The following MPP7 variants were observed in gnomAD, a reference collection of about 807,000 sequenced individuals.
MPP7 encodes the protein MAGUK p55 scaffold protein 7.
Under a neutral mutation model 76.5 loss-of-function variants are expected in MPP7, and 60 were observed. That is an observed-to-expected ratio of 0.78 (90% confidence interval 0.64 to 0.97). The LOEUF is 0.97. Among genes scored for constraint, MPP7 ranks in the 50% least tolerant of loss-of-function variants. The pLI is 0.00. For synonymous variants in MPP7, 237 were observed against 244.5 expected (o/e 0.97, Z 0.29); for missense variants, 641 against 694.0 (o/e 0.92, Z 0.86).
intron 3 of MPP7, among the ~76,000 whole-genome samples, chr10:28,193,944 T>C (rs1837496996): frequency 6.6e-6 from 1 of 151,920 alleles, no homozygotes; most frequent in African/African-American, 2.4e-5. Flanking sequence ...GGACTCTCAC[T>C]CATTGCTGGT....
At chr10:28,323,487 C>T (rs1038023483) in intron 2 of MPP7, among the ~76,000 whole-genome samples, 1 of 151,406 alleles carries the variant, frequency 6.6e-6, no homozygotes, top group Non-Finnish European at 1.5e-5. Flanking sequence ...AAATCCCAGC[C>T]AAAACCGGGC....
intron 1 of MPP7, chr10:28,254,657 A>G (rs1025742870): frequency 2.0e-5 from 3 of 152,230 alleles, no homozygotes; most frequent in African/African-American, 7.2e-5. Context: ...CACAATATAG[A>G]TTTATCTCAA....
chr10:28,248,231 G>A lies in MPP7; in HGVS notation c.-131-9496C>T, dbSNP rs12770343. On this transcript the variant is annotated intron_variant, in intron 1 of 16. Coordinates refer to ENST00000683449, the MANE Select transcript of MPP7 (RefSeq NM_001318170.2). ...CTGGAATGAATCTATCTGATTAGGA[G>A]AACTTACTTTATGACCAATTTAGTG... Among the ~76,000 whole-genome samples, 276 of 152,192 alleles carry A rather than the reference G, an allele frequency of 1.8e-3. 1 individual carries two copies. Among genetic ancestry groups the A allele is most frequent in the Admixed American group, 3.7e-3 (56 of 15,278 alleles).
chr10:28,275,714 A>AG (rs1220854070), intron 1 of MPP7, among the ~76,000 whole-genome samples: 1 of 150,726 alleles, frequency 6.6e-6, no homozygotes, highest in Non-Finnish European at 1.5e-5. Context: ...ACCCCTTCCT[A>AG]ATATTTCTTG....
Position 28,143,157 on chromosome 10 carries a change from G to GA in MPP7, c.315+4325dup, listed in dbSNP as rs1441650476. 2.6e-5 allele frequency among the ~76,000 whole-genome samples: 4 copies of GA among 152,168 alleles called. No individual in the cohort carries two copies. The East Asian group carries it at 5.8e-4, about 22-fold the overall frequency. On this transcript the variant is annotated intron_variant, in intron 5 of 16. Coordinates refer to ENST00000683449, the MANE Select transcript of MPP7 (RefSeq NM_001318170.2). The stretch of plus-strand genomic sequence containing the variant: ...TCTATGATCCCACAGAATATACTGG[G>GA]AAAAAACATTTAATATTTATATATA...
intron 11 of MPP7, among the ~76,000 whole-genome samples, chr10:28,097,254 T>C (rs1853613878): frequency 6.6e-6 from 1 of 152,160 alleles, no homozygotes; most frequent in Non-Finnish European, 1.5e-5. Flanking sequence ...AGTACTAGGT[T>C]TACAGGCATG....
intron 3 of MPP7, among the ~76,000 whole-genome samples, chr10:28,201,265 G>C (rs778291145): frequency 7.2e-5 from 11 of 152,098 alleles, no homozygotes; most frequent in Non-Finnish European, 1.6e-4. Context: ...GTTCTGAAAA[G>C]CAATTGCAAC....
chr10:28,141,644 G>A (rs11006893), intron 5 of MPP7, among the ~76,000 whole-genome samples: 15,513 of 151,956 alleles, frequency 0.1, 1,318 homozygotes, highest in East Asian at 0.42. Flanking sequence ...GCACACACGC[G>A]TACACATCAG....
intron 3 of MPP7, among the ~76,000 whole-genome samples, chr10:28,180,681 C>A (rs1349869186): frequency 2.0e-5 from 3 of 152,164 alleles, no homozygotes; most frequent in African/African-American, 4.8e-5. Flanking sequence ...TATATTCCCC[C>A]AGACACTCTC....
intron 2 of MPP7, among the ~76,000 whole-genome samples, chr10:28,311,575 T>G (rs915833716): frequency 1.4e-4 from 22 of 152,188 alleles, no homozygotes; most frequent in African/African-American, 5.1e-4. Flanking sequence ...GTAATATATA[T>G]GTCCATTTGA....
intron 1 of MPP7, among the ~76,000 whole-genome samples, chr10:28,243,827 T>A (rs935302699): frequency 3.9e-5 from 6 of 152,222 alleles, no homozygotes; most frequent in African/African-American, 1.2e-4. Flanking sequence ...AATTCACTCA[T>A]GTTTTTGTTT....
chr10:28,196,212 G>A (rs187353523), intron 3 of MPP7, among the ~76,000 whole-genome samples: 22 of 152,240 alleles, frequency 1.4e-4, no homozygotes, highest in Admixed American at 3.3e-4. Flanking sequence ...CAGATGCGGT[G>A]GCTCATGCCT....
intron 11 of MPP7, among the ~76,000 whole-genome samples, chr10:28,095,502 T>C (rs534738241): frequency 6.6e-6 from 1 of 152,226 alleles, no homozygotes; most frequent in South Asian, 2.1e-4. Flanking sequence ...TTTTCCAATT[T>C]CAGTAAAATA....
At chr10:28,092,885 C>T (rs548708123) in intron 11 of MPP7, among the ~76,000 whole-genome samples, 2 of 151,754 alleles carry the variant, frequency 1.3e-5, no homozygotes, top group Non-Finnish European at 2.9e-5. Flanking sequence ...CAGCCACCTT[C>T]CTATCACAGA....
At chr10:28,242,349 A>G (rs1041117042) in intron 1 of MPP7, among the ~76,000 whole-genome samples, 5 of 152,210 alleles carry the variant, frequency 3.3e-5, no homozygotes, top group African/African-American at 9.6e-5. Flanking sequence ...ACAAGAGTAA[A>G]CTTTTTAAAA....
chr10:28,271,985 CAA>C (rs376259939), intron 1 of MPP7, among the ~76,000 whole-genome samples: 5 of 151,552 alleles, frequency 3.3e-5, no homozygotes, highest in Admixed American at 6.6e-5. Flanking sequence ...AAAAAACAAA[CAA>C]AAAAAAGATT....
upstream of MPP7, among the ~76,000 whole-genome samples, chr10:28,304,069 A>T (rs1286794595): frequency 6.6e-6 from 1 of 152,208 alleles, no homozygotes; most frequent in Non-Finnish European, 1.5e-5. Context: ...GGAGGGAATC[A>T]TCAGAAAAAA....
chr10:28,274,959 T>C (rs1840445759), intron 1 of MPP7, among the ~76,000 whole-genome samples: 1 of 152,232 alleles, frequency 6.6e-6, no homozygotes, highest in South Asian at 2.1e-4. Flanking sequence ...CACCTTTGTA[T>C]CTGCCCAGAG....
intron 1 of MPP7, among the ~76,000 whole-genome samples, chr10:28,299,605 A>G (rs560845332): frequency 2.0e-5 from 3 of 152,300 alleles, no homozygotes; most frequent in Non-Finnish European, 4.4e-5. Flanking sequence ...CTATTGGAAA[A>G]ATAGCACCAA....
Sources: allele counts gnomAD v4.1 joint callset (sites outside exome capture counted in the v4.1 genomes callset), GRCh38; gene constraint gnomAD v4.1.1; transcripts MANE v1.5; gene names NCBI Gene and HGNC (gene_info 2026-07-23, HGNC 2026-07-21).